The following CUL1 variants were observed in gnomAD, a reference collection of about 807,000 sequenced individuals.
CUL1 encodes cullin 1.
A neutral mutation model predicts 118.0 loss-of-function variants in CUL1; 24 were observed. The observed-to-expected ratio is 0.20, with a 90% CI of 0.15 to 0.29. CUL1 has a LOEUF of 0.29. CUL1 is among the 10% of genes least tolerant of loss of function. The probability of loss-of-function intolerance (pLI) is 1.00; values close to 1 mark genes in which losing one functional copy is unlikely to be tolerated. For synonymous variants in CUL1, 332 were observed against 340.4 expected, an observed-to-expected ratio of 0.98 and a Z score of 0.27; for missense variants, 361 against 933.8, an observed-to-expected ratio of 0.39 and a Z score of 7.99.
chr7:148,798,382 G>A (rs1563172841), intron 19 of CUL1, among the ~76,000 whole-genome samples, 190 bp from the exon 20 acceptor site: 1 of 152,124 alleles, frequency 6.6e-6, no homozygotes, highest in Non-Finnish European at 1.5e-5. Flanking sequence ...GGCCGAGTAG[G>A]AAACTAGGCC....
intron 1 of CUL1, among the ~76,000 whole-genome samples, chr7:148,728,533 A>G (rs1196396522): frequency 6.6e-6 from 1 of 152,212 alleles, no homozygotes; most frequent in Non-Finnish European, 1.5e-5. Context: ...AGATGATGAA[A>G]GGAAAGCACA....
At chr7:148,775,169 T>G (rs1280105850) in intron 9 of CUL1, among the ~76,000 whole-genome samples, 1 of 152,242 alleles carries the variant, frequency 6.6e-6, no homozygotes, top group Admixed American at 6.5e-5. Context: ...GGGTTTAGTT[T>G]AGACATCCAA....
intron 9 of CUL1, 76 bp from the exon 10 acceptor site, chr7:148,783,707 A>G: frequency 1.9e-6 from 3 of 1,582,054 alleles, no homozygotes; most frequent in South Asian, 2.2e-5. Context: ...GTATGCTAGT[A>G]CATGCATTGT....
chr7:148,795,744 T>C (rs1008571581), intron 17 of CUL1, among the ~76,000 whole-genome samples: 5 of 138,956 alleles, frequency 3.6e-5, no homozygotes, highest in Non-Finnish European at 7.6e-5. Context: ...CACTCCAGCC[T>C]GGGCGACAGA....
intron 1 of CUL1, among the ~76,000 whole-genome samples, chr7:148,719,973 T>C: frequency 6.6e-6 from 1 of 152,214 alleles, no homozygotes; most frequent in East Asian, 1.9e-4. Context: ...GCTTCCTCAT[T>C]TGTGAAACGT....
chr7:148,727,759 T>G, intron 1 of CUL1, among the ~76,000 whole-genome samples: 1 of 149,916 alleles, frequency 6.7e-6, no homozygotes, highest in African/African-American at 2.5e-5. Context: ...GAAAGGAGAC[T>G]GAGGTGGCAA....
At chr7:148,758,044 A>G (rs908947100) in intron 4 of CUL1, among the ~76,000 whole-genome samples, 6 of 152,222 alleles carry the variant, frequency 3.9e-5, no homozygotes, top group Non-Finnish European at 7.3e-5. Flanking sequence ...CTCTGTCAGC[A>G]TCACCTGGGG....
At chr7:148,759,159 C>T (rs991520611) in intron 4 of CUL1, 145 bp from the exon 5 acceptor site, 12 of 696,760 alleles carry the variant, frequency 1.7e-5, no homozygotes, top group Non-Finnish European at 2.7e-5. Flanking sequence ...GAGTGGCTTT[C>T]TGCTTTTGTC....
At chr7:148,770,262 G>A (rs1216351174) in intron 9 of CUL1, among the ~76,000 whole-genome samples, 3 of 152,230 alleles carry the variant, frequency 2.0e-5, no homozygotes, top group Non-Finnish European at 2.9e-5. Flanking sequence ...CAATGCTTGT[G>A]TTACTTAAAT....
chr7:148,717,343 G>T (rs1222283804), intron 1 of CUL1, among the ~76,000 whole-genome samples: 1 of 152,118 alleles, frequency 6.6e-6, no homozygotes. Context: ...AGGCTACCAT[G>T]CCCGGCCTTG....
intron 2 of CUL1, among the ~76,000 whole-genome samples, chr7:148,746,529 A>G (rs1042835120): frequency 6.6e-6 from 1 of 152,224 alleles, no homozygotes; most frequent in East Asian, 1.9e-4. Flanking sequence ...TTGGACTACT[A>G]CTAAGGAGTG....
chr7:148,720,441 G>A (rs1798362901), intron 1 of CUL1, among the ~76,000 whole-genome samples: 1 of 152,158 alleles, frequency 6.6e-6, no homozygotes, highest in African/African-American at 2.4e-5. Flanking sequence ...CAAAGCTGAT[G>A]GGAAATGCAG....
intron 1 of CUL1, among the ~76,000 whole-genome samples, chr7:148,714,372 G>A (rs1476874972): frequency 6.6e-6 from 1 of 152,118 alleles, no homozygotes; most frequent in Non-Finnish European, 1.5e-5. Context: ...GCAATTTTCA[G>A]TTTTCAAAAT....
chr7:148,798,823 G>C (rs1421989224), intron 20 of CUL1, 146 bp downstream of exon 20: 3 of 707,050 alleles, frequency 4.2e-6, no homozygotes, highest in Non-Finnish European at 5.1e-6. Flanking sequence ...GCAAGGCCGA[G>C]AGCCAGGGCC....
chr7:148,789,371 T>C (rs1225750442), intron 14 of CUL1, among the ~76,000 whole-genome samples: 1 of 152,116 alleles, frequency 6.6e-6, no homozygotes, highest in Admixed American at 6.5e-5. Context: ...TTTCTCCTGC[T>C]TGTGAGTTTG....
At chr7:148,703,332 T>G (rs181022953) in intron 1 of CUL1, among the ~76,000 whole-genome samples, 559 of 152,240 alleles carry the variant, frequency 3.7e-3, no homozygotes, top group Non-Finnish European at 5.9e-3. Flanking sequence ...TTGGGGCTAT[T>G]GTTAAATTGG....
At chr7:148,750,585 T>G (rs944329014) in intron 2 of CUL1, among the ~76,000 whole-genome samples, 3 of 152,176 alleles carry the variant, frequency 2.0e-5, no homozygotes, top group African/African-American at 7.2e-5. Flanking sequence ...TTGCTCAGAA[T>G]GATGGTTTCC....
chr7:148,797,197 A>C (rs1479520478), intron 17 of CUL1, among the ~76,000 whole-genome samples: 1 of 152,172 alleles, frequency 6.6e-6, no homozygotes, highest in East Asian at 1.9e-4. Flanking sequence ...CATTATTTTC[A>C]GTCTTGCTGG....
chr7:148,789,053 A>C (rs896361979), intron 14 of CUL1, among the ~76,000 whole-genome samples: 15 of 152,228 alleles, frequency 9.9e-5, no homozygotes, highest in African/African-American at 3.6e-4. Flanking sequence ...ATTAGGGATC[A>C]GTACAGGCAG....
Sources: allele counts gnomAD v4.1 joint callset (sites outside exome capture counted in the v4.1 genomes callset), GRCh38; gene constraint gnomAD v4.1.1; transcripts MANE v1.5; gene names NCBI Gene and HGNC (gene_info 2026-07-23, HGNC 2026-07-21).